IAH1: variants seen among roughly 807,000 people sequenced by gnomAD.
IAH1 encodes isoamyl acetate hydrolyzing esterase 1 (putative), also known as isoamyl acetate-hydrolyzing esterase 1 homolog.
Under a neutral mutation model 26.7 loss-of-function variants are expected in IAH1, and 24 were observed. The ratio of observed to expected loss-of-function variants is 0.90; its 90% CI spans 0.65 to 1.26. IAH1 has a LOEUF of 1.26. Ranked by LOEUF, IAH1 falls within the 50% of genes most tolerant of loss-of-function variation. The pLI, the probability that IAH1 is intolerant of heterozygous loss-of-function variation, is 0.00. For synonymous variants in IAH1, 140 were observed against 118.5 expected, an observed-to-expected ratio of 1.18 and a Z score of -1.18; for missense variants, 300 against 299.9, an observed-to-expected ratio of 1.00 and a Z score of 0.00.
chr2:9,495,082 T>A (rs1328278311), intron 6 of IAH1, among the ~76,000 whole-genome samples: 1 of 152,250 alleles, frequency 6.6e-6, no homozygotes, highest in Non-Finnish European at 1.5e-5. Context: ...AATGCTTCCC[T>A]TTGTCCCAAC....
intron 5 of IAH1, chr2:9,484,767 G>C (rs1319365616): frequency 7.7e-6 from 4 of 520,790 alleles, no homozygotes; most frequent in Non-Finnish European, 1.4e-5. Context: ...TTGGCTAGGA[G>C]TTAGTGCGCA....
At chr2:9,479,598 T>C (rs1405456925) in intron 3 of IAH1, among the ~76,000 whole-genome samples, 1 of 152,062 alleles carries the variant, frequency 6.6e-6, no homozygotes, top group Non-Finnish European at 1.5e-5. Flanking sequence ...AGAAAAGCAA[T>C]ATGAAGCAGT....
At chr2:9,474,548 C>A, upstream of IAH1, 2 of 1,443,982 alleles carry the variant, frequency 1.4e-6, no homozygotes, top group Non-Finnish European at 1.8e-6. This position sits in a 1 kb window ranked among gnomAD's most constrained non-coding sequence, Gnocchi z 4.3. Flanking sequence ...GGCCCCGCCC[C>A]GCCCCGCCCG....
the IAH1 span, among the ~76,000 whole-genome samples, chr2:9,501,617 A>G: frequency 1.3e-5 from 2 of 152,224 alleles, no homozygotes; most frequent in South Asian, 2.1e-4. Flanking sequence ...ATAGATACAT[A>G]TAGAAAAACT....
chr2:9,510,198 G>A, the IAH1 span: 2 of 1,555,898 alleles, frequency 1.3e-6, no homozygotes, highest in South Asian at 1.1e-5. Context: ...TGCCAGTTGG[G>A]CCTATGCTGT....
chr2:9,494,089 T>A (rs975326649), downstream of IAH1, among the ~76,000 whole-genome samples: 5 of 152,180 alleles, frequency 3.3e-5, no homozygotes, highest in Admixed American at 2.6e-4. Flanking sequence ...TTGCTAAAGA[T>A]GAGGCATTCC....
At chr2:9,481,583 C>A in intron 4 of IAH1, 136 bp downstream of exon 4, 1 of 764,478 alleles carries the variant, frequency 1.3e-6, no homozygotes, top group Non-Finnish European at 2.1e-6. Flanking sequence ...GTTTTCAATC[C>A]AAAATTATTA....
At chr2:9,508,562 C>T in the IAH1 span, among the ~76,000 whole-genome samples, 5 of 152,210 alleles carry the variant, frequency 3.3e-5, no homozygotes, top group Admixed American at 6.5e-5. Context: ...AGTAATCTCA[C>T]TCATGTCCTT....
At chr2:9,477,504 C>T (rs1440039882) in intron 2 of IAH1, among the ~76,000 whole-genome samples, 1 of 152,072 alleles carries the variant, frequency 6.6e-6, no homozygotes, top group Non-Finnish European at 1.5e-5. Flanking sequence ...AAAAGAGTCC[C>T]TCTTATGTGA....
At chr2:9,492,730 TAAGCTTTCTACA>T (rs1662261813), downstream of IAH1, among the ~76,000 whole-genome samples, 1 of 152,174 alleles carries the variant, frequency 6.6e-6, no homozygotes, top group Non-Finnish European at 1.5e-5. Context: ...GACCATTAGT[TAAGCTTTCTACA>T]AGACATGTTC....
intron 6 of IAH1, among the ~76,000 whole-genome samples, chr2:9,496,111 ATTTAT>A (rs1266180617): frequency 2.0e-5 from 3 of 151,670 alleles, no homozygotes; most frequent in Non-Finnish European, 2.9e-5. Context: ...TTTGTCTTTT[ATTTAT>A]TTTATTTTTT....
chr2:9,489,732 A>C lies in IAH1; in HGVS notation c.*1403A>C. On this transcript the variant is annotated 3_prime_UTR_variant, in exon 6 of 6. Coordinates refer to ENST00000497473, the MANE Select transcript of IAH1 (RefSeq NM_001039613.3). ...TTTGTTTTTAGTTGAAGGCAAAAAA[A>C]AAAAAAAAAAAAAAAAACTATTCCA... 7.0e-6 allele frequency: 1 copy of C among 143,246 alleles called. No homozygotes were observed. Among genetic ancestry groups the C allele is most frequent in the Non-Finnish European group, 1.5e-5 (1 of 67,198 alleles). 8.9% of individuals were successfully genotyped at this position (143,246 alleles called of 1,614,324 possible).
At chr2:9,493,097 A>C (rs182977365), downstream of IAH1, 91 of 837,258 alleles carry the variant, frequency 1.1e-4, no homozygotes, top group African/African-American at 1.4e-3. Context: ...CTGGCTAGAC[A>C]TACTACCGAG....
chr2:9,508,740 C>T, the IAH1 span, among the ~76,000 whole-genome samples: 16 of 152,074 alleles, frequency 1.1e-4, no homozygotes, highest in African/African-American at 1.7e-4. Context: ...TCCCCCGCCC[C>T]GCAGCAGAAA....
chr2:9,476,650 G>A (rs923319964), intron 2 of IAH1, among the ~76,000 whole-genome samples: 1 of 152,160 alleles, frequency 6.6e-6, no homozygotes, highest in African/African-American at 2.4e-5. Context: ...GTTAAAGGTG[G>A]TTATCTATTG....
rs763330803 is a variant in IAH1, at chr2:9,488,299, A to G, written c.717A>G (p.Glu239=). 1 of 1,610,784 alleles carries G rather than the reference A, an allele frequency of 6.2e-7. No homozygotes were observed. The highest frequency in any genetic ancestry group is 8.5e-7 in the Non-Finnish European group (1 of 1,179,032). The change falls in exon 6 of 6, where the codon GAA becomes GAG. Residue 239 remains glutamate, a synonymous_variant. Transcript: ENST00000497473. ...YWRDVAEAKP[E]LSLLGDGDH is the part of the protein sequence containing the mutation. The stretch of plus-strand genomic sequence containing the variant: ...GGGATGTAGCAGAAGCAAAACCTGA[A>G]TTAAGTCTGCTGGGAGATGGAGACC...
chr2:9,504,439 G>A, the IAH1 span, among the ~76,000 whole-genome samples: 5 of 149,936 alleles, frequency 3.3e-5, no homozygotes, highest in Admixed American at 6.7e-5. Context: ...GCGAGACGCC[G>A]TCTCAAAATA....
Position 9,484,483 on chromosome 2 carries a change from G to A in IAH1, c.497G>A (p.Cys166Tyr). ...GTTGTTGGTGAATATGCCAATGCGTGTTTACAAGTGGCCCAAGACTGTGGG... is the reference window on the plus strand; with the variant it reads ...GTTGTTGGTGAATATGCCAATGCGTATTTACAAGTGGCCCAAGACTGTGGG... The part of the protein sequence containing the change: ...NSVVGEYANA[C>Y]LQVAQDCGTD... Residue 166 changes from cysteine (C) to tyrosine (Y), a missense_variant, in exon 5 of 6, where the codon TGT (cysteine) becomes TAT (tyrosine). Coordinates refer to ENST00000497473, the MANE Select transcript of IAH1 (RefSeq NM_001039613.3). The A allele has an allele frequency of 1.2e-6, 2 of 1,614,200 alleles. No homozygotes were observed.
intron 3 of IAH1, among the ~76,000 whole-genome samples, chr2:9,479,307 G>A (rs1471087063): frequency 6.6e-6 from 1 of 152,138 alleles, no homozygotes; most frequent in Non-Finnish European, 1.5e-5. Context: ...GAGCAGTGGA[G>A]GAAGCCACAG....
Sources: gnomAD v4.1 joint callset for allele counts (sites outside exome capture counted in the v4.1 genomes callset) on GRCh38, gnomAD v4.1.1 for gene constraint, Gnocchi (gnomAD v3.1) non-coding constraint, MANE v1.5 for transcripts, NCBI Gene and HGNC (gene_info 2026-07-23, HGNC 2026-07-21) for gene names.